The following UMAD1 variants were observed in gnomAD, a reference collection of about 807,000 sequenced individuals.
UMAD1 encodes UBAP1-MVB12-associated (UMA)-domain containing protein 1.
A neutral mutation model predicts 6.1 loss-of-function variants in UMAD1; 8 were observed. The observed-to-expected ratio is 1.30, with a 90% CI of 0.76 to 2.35. The LOEUF (loss-of-function observed/expected upper bound fraction) is 2.35. UMAD1 is among the 30% of genes most tolerant of loss of function. UMAD1 has a pLI of 0.00. For synonymous variants in UMAD1, 56 were observed against 31.4 expected (o/e 1.78, Z -2.61); for missense variants, 130 against 78.4 (o/e 1.66, Z -2.49).
At chr7:7,871,543 G>A (rs1001495207) in intron 3 of UMAD1, among the ~76,000 whole-genome samples, 1 of 152,118 alleles carries the variant, frequency 6.6e-6, no homozygotes, top group Non-Finnish European at 1.5e-5. Flanking sequence ...ACTTAAATGA[G>A]CAAATACATT....
chr7:7,664,013 C>T (rs1436869823), intron 1 of UMAD1, among the ~76,000 whole-genome samples: 1 of 152,162 alleles, frequency 6.6e-6, no homozygotes, highest in Non-Finnish European at 1.5e-5. Flanking sequence ...GTCTAAAACA[C>T]TTTGCCACCT....
At chr7:7,877,063 TG>T (rs1784432204) in intron 3 of UMAD1, among the ~76,000 whole-genome samples, 1 of 152,190 alleles carries the variant, frequency 6.6e-6, no homozygotes, top group Admixed American at 6.5e-5. Flanking sequence ...AAGGGGTCTG[TG>T]GGTGGTCAGT....
intron 1 of UMAD1, among the ~76,000 whole-genome samples, chr7:7,649,125 T>C (rs1276346760): frequency 7.8e-6 from 1 of 127,548 alleles, no homozygotes; most frequent in East Asian, 2.3e-4. Flanking sequence ...GCCACTGCAC[T>C]CCAGCCCGTG....
At chr7:7,708,558 GAA>G (rs1780666190) in intron 2 of UMAD1, among the ~76,000 whole-genome samples, 1 of 152,128 alleles carries the variant, frequency 6.6e-6, no homozygotes, top group Non-Finnish European at 1.5e-5. Flanking sequence ...TTTATAACTT[GAA>G]ACATTGAAAG....
chr7:7,758,031 T>C (rs1473215705), intron 2 of UMAD1, among the ~76,000 whole-genome samples: 1 of 152,108 alleles, frequency 6.6e-6, no homozygotes, highest in African/African-American at 2.4e-5. Flanking sequence ...ATTTTTAAAA[T>C]GTGCTTGCTT....
chr7:7,677,572 C>G (rs1779773781), intron 2 of UMAD1, among the ~76,000 whole-genome samples: 1 of 151,728 alleles, frequency 6.6e-6, no homozygotes. Flanking sequence ...TATGTTGTTG[C>G]AAAGGACAGG....
Position 7,867,655 on chromosome 7 carries a change from C to T in UMAD1, c.157-9626C>T, listed in dbSNP as rs542865457. 3.9e-5 allele frequency among the ~76,000 whole-genome samples: 6 copies of T among 152,040 alleles called. 1 individual carries two copies. Among genetic ancestry groups the T allele is most frequent in the African/African-American group, 1.4e-4 (6 of 41,452 alleles). The stretch of plus-strand genomic sequence containing the variant: ...TCAGTAGAGGGGTGCAGGCAGGAGG[C>T]AGGTTGCAGTGGGTGAGGGAGGCAT... On this transcript the variant is annotated intron_variant, in intron 3 of 3. Coordinates refer to ENST00000682710, the MANE Select transcript of UMAD1 (RefSeq NM_001302348.2).
At chr7:7,857,488 T>C (rs769752867) in intron 3 of UMAD1, among the ~76,000 whole-genome samples, 39 of 152,212 alleles carry the variant, frequency 2.6e-4, no homozygotes, top group Non-Finnish European at 5.9e-5. Flanking sequence ...ATGTGGGCAG[T>C]TGAATGCAGT....
rs573703575 is a variant in UMAD1, at chr7:7,783,439, G to GT, written c.83-18228dup. Among the ~76,000 whole-genome samples the GT allele has an allele frequency of 1.6e-3, 242 of 152,040 alleles. 4 individuals carry two copies. The highest frequency in any genetic ancestry group is 5.6e-3 in the African/African-American group (232 of 41,466). ...AAAAGAGAAATTCAGATGCTGCACG[G>GT]TTTGTGTCTTTGGGTGTTTGCTGAG... On this transcript the variant is annotated intron_variant, in intron 2 of 3. Coordinates refer to ENST00000682710, the MANE Select transcript of UMAD1 (RefSeq NM_001302348.2).
chr7:7,746,473 A>G (rs1359177925), intron 2 of UMAD1, among the ~76,000 whole-genome samples: 2 of 152,206 alleles, frequency 1.3e-5, no homozygotes, highest in Non-Finnish European at 2.9e-5. Context: ...TTCGTGTGCT[A>G]ACTTGGAACT....
chr7:7,731,189 G>C (rs572840499), intron 2 of UMAD1, among the ~76,000 whole-genome samples: 5 of 152,034 alleles, frequency 3.3e-5, no homozygotes, highest in Non-Finnish European at 1.5e-5. Context: ...AGTAGAGAGG[G>C]GGGGGTTCCA....
intron 2 of UMAD1, among the ~76,000 whole-genome samples, chr7:7,786,196 C>T (rs1346079809): frequency 6.6e-6 from 1 of 152,176 alleles, no homozygotes; most frequent in Non-Finnish European, 1.5e-5. Flanking sequence ...TCACATGTTG[C>T]ATTTACTCGG....
intron 2 of UMAD1, among the ~76,000 whole-genome samples, chr7:7,800,292 A>C (rs1239112595): frequency 6.6e-6 from 1 of 152,268 alleles, no homozygotes; most frequent in Non-Finnish European, 1.5e-5. Flanking sequence ...ATAATGTTGC[A>C]CAAAACAGAG....
intron 2 of UMAD1, among the ~76,000 whole-genome samples, chr7:7,768,925 G>T (rs992727718): frequency 6.6e-6 from 1 of 152,034 alleles, no homozygotes; most frequent in Non-Finnish European, 1.5e-5. Flanking sequence ...GAATTAATGA[G>T]TGAGCAACTA....
intron 2 of UMAD1, among the ~76,000 whole-genome samples, chr7:7,690,506 T>G (rs1168165409): frequency 1.3e-5 from 2 of 152,176 alleles, no homozygotes; most frequent in Non-Finnish European, 2.9e-5. Context: ...AAATGTTTAC[T>G]TTTTTATTAT....
chr7:7,806,130 A>T (rs527425368), intron 3 of UMAD1, among the ~76,000 whole-genome samples: 1 of 152,142 alleles, frequency 6.6e-6, no homozygotes, highest in African/African-American at 2.4e-5. Flanking sequence ...CTGCCTATCA[A>T]ATATCTTCCA....
intron 1 of UMAD1, among the ~76,000 whole-genome samples, chr7:7,657,629 T>C (rs193097650): frequency 6.6e-6 from 1 of 152,196 alleles, no homozygotes; most frequent in East Asian, 1.9e-4. Context: ...TGTAGATGTG[T>C]GGTATTATTT....
At chr7:7,647,743 C>T (rs1052584265) in intron 1 of UMAD1, among the ~76,000 whole-genome samples, 2 of 152,122 alleles carry the variant, frequency 1.3e-5, no homozygotes, top group Non-Finnish European at 2.9e-5. Flanking sequence ...ACTGCAGGCA[C>T]GTGCCATCAC....
intron 2 of UMAD1, chr7:7,715,289 C>G (rs1428442636): frequency 1.3e-5 from 2 of 152,056 alleles, no homozygotes; most frequent in Non-Finnish European, 2.9e-5. Flanking sequence ...TTTATGAATA[C>G]AGTTTCATCA....
Sources: allele counts gnomAD v4.1 joint callset (sites outside exome capture counted in the v4.1 genomes callset), GRCh38; gene constraint gnomAD v4.1.1; transcripts MANE v1.5; gene names NCBI Gene and HGNC (gene_info 2026-07-23, HGNC 2026-07-21).